Variants in SDC1 observed in about 807,000 individuals in gnomAD.
SDC1 encodes syndecan 1, also known as syndecan-1.
A neutral mutation model predicts 29.7 loss-of-function variants in SDC1; 14 were observed. The observed-to-expected ratio is 0.47, with a 90% CI of 0.31 to 0.74. The LOEUF (loss-of-function observed/expected upper bound fraction) is 0.74, where lower values mean the gene tolerates loss of function less well. Ranked by LOEUF, SDC1 falls within the 30% of genes least tolerant of loss-of-function variation. The pLI, the probability that SDC1 is intolerant of heterozygous loss-of-function variation, is 0.05. For synonymous variants in SDC1, 204 were observed against 175.5 expected (o/e 1.16, Z -1.29); for missense variants, 406 against 400.3 (o/e 1.01, Z -0.12).
chr2:20,205,217 G>C (rs955521156), intron 2 of SDC1, 126 bp downstream of exon 2: 1 of 758,632 alleles, frequency 1.3e-6, no homozygotes, highest in African/African-American at 1.7e-5. Flanking sequence ...GAGCCAGCTG[G>C]GTGGAGACAG....
chr2:20,221,056 G>A (rs1018377828), intron 1 of SDC1, among the ~76,000 whole-genome samples: 13 of 152,138 alleles, frequency 8.5e-5, no homozygotes, highest in African/African-American at 2.9e-4. Flanking sequence ...CACTGAGAGA[G>A]GCCCCTAAAG....
intron 2 of SDC1, among the ~76,000 whole-genome samples, chr2:20,205,141 C>T (rs558724848): frequency 9.2e-5 from 14 of 152,358 alleles, no homozygotes; most frequent in African/African-American, 3.1e-4. Context: ...ACCTCACCTC[C>T]GAGCATGAGC....
At chr2:20,208,199 A>T in intron 1 of SDC1, 1 of 848,616 alleles carries the variant, frequency 1.2e-6, no homozygotes, top group South Asian at 5.4e-5. Flanking sequence ...CCGCCCAGTG[A>T]GACCCAGGAA....
chr2:20,202,792 TG>T lies in SDC1; in HGVS notation c.906del (p.Thr303ProfsTer22), dbSNP rs1169011749. On this transcript the variant is annotated frameshift_variant, in exon 5 of 5. Coordinates refer to ENST00000254351, the MANE Select transcript of SDC1 (RefSeq NM_002997.5). LOFTEE classifies it high-confidence loss of function. ...KQANGGAYQK[P>X]TKQEEFYA is the part of the protein sequence containing the mutation. ...CAGGCATAGAATTCCTCCTGTTTGGTGGGCTTCTGGTAGGCCCCGCCGTTGG... is the reference window on the plus strand; with the variant it reads ...CAGGCATAGAATTCCTCCTGTTTGGTGGCTTCTGGTAGGCCCCGCCGTTGG... 12 of 1,611,380 alleles carry T rather than the reference TG, an allele frequency of 7.4e-6. No homozygotes were observed. Among genetic ancestry groups the T allele is most frequent in the Non-Finnish European group, 1.0e-5 (12 of 1,178,880 alleles).
rs1677058985 is a variant in SDC1 at position 20,202,661 on chromosome 2, G to C, written c.*105C>G. On this transcript the variant is annotated 3_prime_UTR_variant, in exon 5 of 5. Coordinates refer to ENST00000254351, the MANE Select transcript of SDC1 (RefSeq NM_002997.5). ...GCGACCAGAGGGGCTGGAATGCTGG[G>C]GAGGTGGCCTGGTGGCAGGGGAGGC... 2 of 1,119,056 alleles carry C rather than the reference G, an allele frequency of 1.8e-6. No individual in the cohort carries two copies. Among genetic ancestry groups the C allele is most frequent in the Non-Finnish European group, 2.6e-6 (2 of 774,608 alleles). 69.3% of individuals were successfully genotyped at this position (1,119,056 alleles called of 1,614,324 possible).
intron 1 of SDC1, among the ~76,000 whole-genome samples, chr2:20,211,499 C>T (rs532225161): frequency 6.6e-6 from 1 of 152,384 alleles, no homozygotes; most frequent in African/African-American, 2.4e-5. Context: ...AGCCTCCCTC[C>T]CCCAGGAGCT....
chr2:20,222,357 T>C (rs73231460), intron 1 of SDC1, among the ~76,000 whole-genome samples: 4,483 of 152,288 alleles, frequency 0.029, 204 homozygotes, highest in African/African-American at 0.1. Context: ...CCTGATTTCT[T>C]TTAGGAAAGG....
intron 1 of SDC1, chr2:20,207,925 A>G: frequency 4.1e-6 from 4 of 982,766 alleles, no homozygotes; most frequent in Non-Finnish European, 3.6e-6. Flanking sequence ...ACCCATACTC[A>G]CTGGGATCAT....
Position 20,225,113 on chromosome 2 carries a change from T to A in SDC1, c.-246A>T, listed in dbSNP as rs1195306356. On this transcript the variant is annotated 5_prime_UTR_variant, in exon 1 of 5. It adds an upstream start codon to the 5' untranslated region. Coordinates refer to ENST00000254351, the MANE Select transcript of SDC1 (RefSeq NM_002997.5). ...TTATAATAAACCCACAGGCCCTTCCTTAGCCGTTGCAAAAACTGGCCCCCC... is the reference window on the plus strand; with the variant it reads ...TTATAATAAACCCACAGGCCCTTCCATAGCCGTTGCAAAAACTGGCCCCCC... The A allele has an allele frequency of 3.0e-6, 1 of 338,926 alleles. No individual in the cohort carries two copies. The highest frequency in any genetic ancestry group is 2.2e-5 in the African/African-American group (1 of 45,802). 21.0% of individuals were successfully genotyped at this position (338,926 alleles called of 1,614,324 possible).
At position 20,203,873 on chromosome 2, in the gene SDC1, C is replaced by T; in HGVS notation, c.567G>A (p.Glu189=). Residue 189 remains glutamate, a synonymous_variant, in exon 3 of 5, where the codon GAG becomes GAA. Coordinates refer to ENST00000254351, the MANE Select transcript of SDC1 (RefSeq NM_002997.5). ...HTEDGGPSAT[E]RAAEDGASSQ... ...TGGAGGCTCCATCCTCAGCAGCCCT[C>T]TCGGTGGCAGAAGGACCTCCATCCT... The T allele has an allele frequency of 5.0e-6, 8 of 1,611,548 alleles. No homozygotes were observed. The highest frequency in any genetic ancestry group is 2.2e-5 in the East Asian group (1 of 44,868).
chr2:20,217,339 G>A (rs146161378), intron 1 of SDC1, among the ~76,000 whole-genome samples: 198 of 152,248 alleles, frequency 1.3e-3, no homozygotes, highest in African/African-American at 4.4e-3. Flanking sequence ...ACAGGGCTAC[G>A]CACACAGCAG....
chr2:20,203,335 A>G, intron 3 of SDC1, 113 bp from the exon 4 acceptor site: 2 of 1,234,650 alleles, frequency 1.6e-6, no homozygotes, highest in Non-Finnish European at 2.2e-6. Context: ...GCCACCACCC[A>G]CTCAGATGCA....
At chr2:20,208,373 G>T (rs1448495830) in intron 1 of SDC1, among the ~76,000 whole-genome samples, 1 of 152,196 alleles carries the variant, frequency 6.6e-6, no homozygotes, top group African/African-American at 2.4e-5. Flanking sequence ...TTAAGCAAAT[G>T]TTTTCTCCAC....
chr2:20,207,868 T>G (rs940426660), intron 1 of SDC1: 1 of 866,094 alleles, frequency 1.2e-6, no homozygotes, highest in African/African-American at 1.8e-5. Context: ...GTCTCCTTCA[T>G]CATCAAAGAA....
chr2:20,223,247 CT>C (rs1243427026), intron 1 of SDC1: 4 of 1,301,658 alleles, frequency 3.1e-6, no homozygotes, highest in Non-Finnish European at 4.0e-6. Flanking sequence ...TCAGAAACGA[CT>C]GTCCCTACCT....
At position 20,202,356 on chromosome 2, in the gene SDC1, T is replaced by G; in HGVS notation, c.*410A>C. ...CCCCCAAGATGCTTGGTCCTACCAG[T>G]AAGTGCTACAGGTGTGTGAGCCCCA... On this transcript the variant is annotated 3_prime_UTR_variant, in exon 5 of 5. Coordinates refer to ENST00000254351, the MANE Select transcript of SDC1 (RefSeq NM_002997.5). 2.4e-5 allele frequency: 18 copies of G among 764,482 alleles called. 1 individual carries two copies. The South Asian group carries it at 2.5e-4, about 11-fold the overall frequency. 47.4% of individuals were successfully genotyped at this position (764,482 alleles called of 1,614,324 possible). A position where few individuals can be genotyped will look rare whatever the true frequency, so the allele number is the denominator to read the frequency against.
chr2:20,213,433 C>A (rs1032527527), intron 1 of SDC1, among the ~76,000 whole-genome samples: 2 of 152,212 alleles, frequency 1.3e-5, no homozygotes, highest in African/African-American at 4.8e-5. Context: ...AAACACCCCC[C>A]ACTTAGGGAC....
chr2:20,209,013 G>A (rs1030162772), intron 1 of SDC1, among the ~76,000 whole-genome samples: 1 of 152,300 alleles, frequency 6.6e-6, no homozygotes, highest in East Asian at 1.9e-4. Context: ...AGGGGCTGGG[G>A]GATCAAGAGG....
intron 1 of SDC1, among the ~76,000 whole-genome samples, chr2:20,212,589 G>A (rs1677501451): frequency 6.6e-6 from 1 of 152,222 alleles, no homozygotes; most frequent in South Asian, 2.1e-4. Context: ...CCTCACTGGG[G>A]CCTCAAGGCA....
Sources: allele counts gnomAD v4.1 joint callset (sites outside exome capture counted in the v4.1 genomes callset), GRCh38; gene constraint gnomAD v4.1.1; transcripts MANE v1.5; gene names NCBI Gene and HGNC (gene_info 2026-07-23, HGNC 2026-07-21).